The following MATN2 variants were observed in gnomAD, a reference collection of about 807,000 sequenced individuals.
The protein encoded by MATN2 is matrilin-2.
In MATN2, 69 loss-of-function variants were observed where a neutral mutation model predicts 103.2. That is an observed-to-expected ratio of 0.67 (90% CI 0.55 to 0.82). MATN2 has a LOEUF of 0.82. Ranked by LOEUF, MATN2 falls within the 40% of genes least tolerant of loss-of-function variation. MATN2 has a pLI of 0.00. For missense variants in MATN2, 1,023 were observed against 1,211.5 expected (o/e 0.84, Z 2.31); for synonymous variants, 429 against 450.2 (o/e 0.95, Z 0.60).
At chr8:97,885,074 A>G (rs1818380777) in intron 1 of MATN2, among the ~76,000 whole-genome samples, 1 of 152,150 alleles carries the variant, frequency 6.6e-6, no homozygotes. Flanking sequence ...AAATACAAAC[A>G]TTTCTTGAAA....
intron 6 of MATN2, among the ~76,000 whole-genome samples, chr8:97,992,444 G>A (rs536020263): frequency 6.6e-6 from 1 of 151,956 alleles, no homozygotes; most frequent in Admixed American, 6.6e-5. Flanking sequence ...AAGCATTTAT[G>A]GACAAAATAA....
intron 4 of MATN2, among the ~76,000 whole-genome samples, chr8:97,957,746 TC>T (rs1007257417): frequency 5.3e-5 from 8 of 152,200 alleles, no homozygotes; most frequent in Non-Finnish European, 1.0e-4. Flanking sequence ...CTGGGCACCT[TC>T]CCCAGGGAGG....
chr8:98,007,486 T>C lies in MATN2; in HGVS notation c.1458T>C (p.Asp486=). The C allele has an allele frequency of 6.2e-7, 1 of 1,611,736 alleles. No individual in the cohort carries two copies. The highest frequency in any genetic ancestry group is 8.5e-7 in the Non-Finnish European group (1 of 1,178,030). ...TGGCTTTTGGTTTTGCAGGGGTGGA[T>C]TACTGCCTGCTGAGTGACCATGGTT... ...NEDLKTCSRV[D]YCLLSDHGCE... is the part of the protein sequence containing the mutation. Residue 486 remains aspartate, a synonymous_variant, in exon 10 of 19, where the codon GAT becomes GAC. Coordinates refer to ENST00000254898, the MANE Select transcript of MATN2 (RefSeq NM_002380.5). This position sits in a 1 kb window ranked among gnomAD's most constrained non-coding sequence, Gnocchi z 4.2.
intron 7 of MATN2, among the ~76,000 whole-genome samples, chr8:97,996,368 T>A (rs1439290488): frequency 1.3e-5 from 2 of 151,532 alleles, no homozygotes; most frequent in African/African-American, 4.9e-5. Flanking sequence ...GAAGAGCGAG[T>A]AGAGAGGGAG....
chr8:97,897,212 T>C (rs1818843419), intron 2 of MATN2, among the ~76,000 whole-genome samples: 1 of 152,186 alleles, frequency 6.6e-6, no homozygotes, highest in Non-Finnish European at 1.5e-5. Context: ...GAAACCTCAG[T>C]TTGAGAACTA....
Position 98,030,442 on chromosome 8 carries a change from T to C in MATN2, c.2357-20T>C. 6.2e-7 allele frequency: 1 copy of C among 1,605,940 alleles called. No individual in the cohort carries two copies. Among genetic ancestry groups the C allele is most frequent in the Non-Finnish European group, 8.5e-7 (1 of 1,176,218 alleles). On this transcript the variant is annotated intron_variant, in intron 14 of 18. Transcript: ENST00000254898. ...AACACAACTCTAACTAACTTGCTCTTAATTTTTCCTGCACCCTAGGTATCA... is the reference window on the plus strand; with the variant it reads ...AACACAACTCTAACTAACTTGCTCTCAATTTTTCCTGCACCCTAGGTATCA...
At chr8:97,969,947 C>T (rs1040692855) in intron 5 of MATN2, among the ~76,000 whole-genome samples, 4 of 152,198 alleles carry the variant, frequency 2.6e-5, no homozygotes, top group Non-Finnish European at 4.4e-5. Flanking sequence ...TAAGCATGTC[C>T]AGCTGATGCA....
Position 98,024,360 on chromosome 8 carries a change from C to A in MATN2, c.1942+3033C>A, listed in dbSNP as rs114130912. Among the ~76,000 whole-genome samples, 545 of 152,174 alleles carry A rather than the reference C, an allele frequency of 3.6e-3. 7 individuals are homozygous for A. The highest frequency in any genetic ancestry group is 0.013 in the African/African-American group (521 of 41,508). ...TCTCTACTAAAAATACAAAAAGTGT[C>A]CAGGTATGGTAGCGTGTGCCTGTGG... is the stretch of plus-strand genomic sequence containing the variant. On this transcript the variant is annotated intron_variant, in intron 13 of 18. Coordinates refer to ENST00000254898, the MANE Select transcript of MATN2 (RefSeq NM_002380.5).
chr8:98,019,434 C>T (rs1244445378), intron 12 of MATN2, among the ~76,000 whole-genome samples: 2 of 152,130 alleles, frequency 1.3e-5, no homozygotes, highest in African/African-American at 4.8e-5. Context: ...CTCTTTAGGC[C>T]TTCAAGTGAT....
chr8:97,968,389 C>T (rs1238985659), intron 5 of MATN2, among the ~76,000 whole-genome samples: 1 of 152,206 alleles, frequency 6.6e-6, no homozygotes, highest in African/African-American at 2.4e-5. Flanking sequence ...CCTGAAAATG[C>T]CTTTTCTTTC....
intron 5 of MATN2, among the ~76,000 whole-genome samples, chr8:97,965,685 A>G (rs779487997): frequency 2.0e-5 from 3 of 152,146 alleles, no homozygotes; most frequent in Non-Finnish European, 4.4e-5. Flanking sequence ...AAAATAAAAA[A>G]ATTAGTTGGA....
At chr8:98,009,705 G>A (rs1374221613) in intron 10 of MATN2, among the ~76,000 whole-genome samples, 1 of 152,130 alleles carries the variant, frequency 6.6e-6, no homozygotes, top group Non-Finnish European at 1.5e-5. Flanking sequence ...TTTTGCCTCG[G>A]GCAGTTAGAT....
At chr8:97,951,632 T>C (rs1314574607) in intron 4 of MATN2, among the ~76,000 whole-genome samples, 1 of 152,078 alleles carries the variant, frequency 6.6e-6, no homozygotes, top group Non-Finnish European at 1.5e-5. Flanking sequence ...TTAAATAAGA[T>C]CTCTCCCTGG....
At chr8:97,990,101 G>C (rs542115603) in intron 6 of MATN2, among the ~76,000 whole-genome samples, 1 of 137,970 alleles carries the variant, frequency 7.2e-6, no homozygotes, top group Non-Finnish European at 1.5e-5. Flanking sequence ...GGAATTGCTT[G>C]AACCCAGGAG....
chr8:97,869,593 A>G lies in MATN2; in HGVS notation c.-27+306A>G, dbSNP rs1282710968. On this transcript the variant is annotated intron_variant, in intron 1 of 18. Transcript: ENST00000254898. ...GGGGGCGCTGTGGCACGCAGCGGGG[A>G]CGCCCAGACCCCGGCCACCGCGACC... Among the ~76,000 whole-genome samples, 7 of 152,192 alleles carry G rather than the reference A, an allele frequency of 4.6e-5. No individual in the cohort carries two copies. In the East Asian group the frequency reaches 1.4e-3, roughly 30 times the overall value.
At chr8:97,997,215 T>C (rs1406333111) in intron 7 of MATN2, among the ~76,000 whole-genome samples, 1 of 152,188 alleles carries the variant, frequency 6.6e-6, no homozygotes, top group Non-Finnish European at 1.5e-5. Context: ...CCATGATGAG[T>C]GCTCTCAAAA....
rs753416685 is a variant in MATN2 at position 98,021,204 on chromosome 8, G to A, written c.1820-1G>A. The stretch of plus-strand genomic sequence containing the variant: ...TGTTCAACTCCCTACATTTTCCTCA[G>A]GGAAGGATGTCTGCAAATCAACCCA... On this transcript the variant is annotated splice_acceptor_variant, in intron 12 of 18. Transcript: ENST00000254898. LOFTEE classifies it high-confidence loss of function. The A allele has an allele frequency of 1.2e-6, 2 of 1,613,070 alleles. No homozygotes were observed. Among genetic ancestry groups the A allele is most frequent in the Non-Finnish European group, 1.7e-6 (2 of 1,179,292 alleles).
In MATN2 at chr8:97,931,101, C is replaced by T. The variant is rs1187974673; in HGVS notation, c.291C>T (p.Gly97=). The T allele has an allele frequency of 7.4e-6, 12 of 1,613,904 alleles. No homozygotes were observed. In the Admixed American group the frequency reaches 8.3e-5, roughly 11 times the overall value. Residue 97 remains glycine (G), a synonymous_variant, in exon 3 of 19, where the codon GGC becomes GGT. Coordinates refer to ENST00000254898, the MANE Select transcript of MATN2 (RefSeq NM_002380.5). The surrounding 1 kb of genome is among the most constrained non-coding windows in gnomAD (Gnocchi z 4.1). The part of the protein sequence containing the change: ...LDIGPDVTRV[G]LLQYGSTVKN... ...TTGGTCCTGATGTCACCCGAGTGGG[C>T]CTGCTCCAATATGGCAGCACTGTCA...
At chr8:97,895,246 T>C (rs1818771759) in intron 2 of MATN2, among the ~76,000 whole-genome samples, 1 of 152,180 alleles carries the variant, frequency 6.6e-6, no homozygotes, top group Non-Finnish European at 1.5e-5. Context: ...TTAATTGACT[T>C]TTATTGGCCT....
Sources: gnomAD v4.1 joint callset for allele counts (sites outside exome capture counted in the v4.1 genomes callset) on GRCh38, gnomAD v4.1.1 for gene constraint, Gnocchi (gnomAD v3.1) non-coding constraint, MANE v1.5 for transcripts, NCBI Gene and HGNC (gene_info 2026-07-23, HGNC 2026-07-21) for gene names.